The following LYSMD2 variants were observed in gnomAD, a reference collection of about 807,000 sequenced individuals.
The protein encoded by LYSMD2 is LysM domain containing 2.
Under a neutral mutation model 17.7 loss-of-function variants are expected in LYSMD2, and 6 were observed. The ratio of observed to expected loss-of-function variants is 0.34; its 90% CI spans 0.19 to 0.67. The LOEUF is 0.67. Ranked by LOEUF, LYSMD2 falls within the 30% of genes least tolerant of loss-of-function variation. LYSMD2 has a pLI of 0.69. For synonymous variants in LYSMD2, 102 were observed against 129.8 expected (o/e 0.79, Z 1.45); for missense variants, 237 against 286.7 (o/e 0.83, Z 1.25).
chr15:51,747,339 A>T (rs1039643828), intron 1 of LYSMD2, among the ~76,000 whole-genome samples: 1 of 151,684 alleles, frequency 6.6e-6, no homozygotes, highest in Non-Finnish European at 1.5e-5. Flanking sequence ...TAAAAATACA[A>T]AATTAGCCAG....
In LYSMD2 at chr15:51,723,560, G is replaced by T; in HGVS notation, c.*47C>A. The T allele has an allele frequency of 1.4e-6, 2 of 1,440,610 alleles. No homozygotes were observed. Among genetic ancestry groups the T allele is most frequent in the Non-Finnish European group, 2.0e-6 (2 of 1,023,380 alleles). The allele number at this position is 1,440,610 out of a possible 1,614,324, so 89.2% of individuals were successfully genotyped here. A position where few individuals can be genotyped will look rare whatever the true frequency, so the allele number is the denominator to read the frequency against. On this transcript the variant is annotated 3_prime_UTR_variant, in exon 3 of 3. Transcript: ENST00000267838. ...AATCTTCAGTTGTTGGATTCTTTAT[G>T]GTCCAAACATATCTTAATTTTGGTT...
intron 1 of LYSMD2, among the ~76,000 whole-genome samples, chr15:51,734,733 A>G (rs1323841960): frequency 1.3e-5 from 2 of 152,212 alleles, no homozygotes; most frequent in Admixed American, 1.3e-4. Flanking sequence ...CTTTTAAAAC[A>G]ATCATTTAAA....
chr15:51,741,460 C>T (rs904186660), upstream of LYSMD2, among the ~76,000 whole-genome samples: 1 of 152,088 alleles, frequency 6.6e-6, no homozygotes, highest in African/African-American at 2.4e-5. Flanking sequence ...AAACAAGATA[C>T]CAAAATCATA....
chr15:51,751,205 C>G, intron 1 of LYSMD2: 1 of 697,988 alleles, frequency 1.4e-6, no homozygotes, highest in South Asian at 1.5e-5. Flanking sequence ...AGGCTGCCAA[C>G]CCAACTACTC....
chr15:51,737,243 CCCAAACCCCCACCCGCAGT>C lies in LYSMD2; in HGVS notation c.273+88_273+106del. 2.9e-6 allele frequency: 1 copy of C among 344,294 alleles called. No individual in the cohort carries two copies. Among genetic ancestry groups the C allele is most frequent in the East Asian group, 6.9e-5 (1 of 14,444 alleles). The allele number at this position is 344,294 out of a possible 1,614,324, so 21.3% of individuals were successfully genotyped here. A position where few individuals can be genotyped will look rare whatever the true frequency, so the allele number is the denominator to read the frequency against. On this transcript the variant is annotated intron_variant, in intron 1 of 2. Coordinates refer to ENST00000267838, the MANE Select transcript of LYSMD2 (RefSeq NM_153374.3). This position sits in a 1 kb window ranked among gnomAD's most constrained non-coding sequence, Gnocchi z 4.2. ...CGGCCGTCCCTGCGACTCCCCATCC[CCCAAACCCCCACCCGCAGT>C]CCCACCCCCACCCCCACCGCACCCC...
chr15:51,742,730 G>T (rs1294131538), intron 1 of LYSMD2, among the ~76,000 whole-genome samples: 1 of 152,170 alleles, frequency 6.6e-6, no homozygotes, highest in African/African-American at 2.4e-5. Context: ...GGCTGAGGCA[G>T]GAGAATCCCT....
At chr15:51,724,327 A>C (rs1187507709) in intron 2 of LYSMD2, among the ~76,000 whole-genome samples, 1 of 152,214 alleles carries the variant, frequency 6.6e-6, no homozygotes, top group African/African-American at 2.4e-5. Context: ...AATGTCTTTG[A>C]CAAGTTTTGC....
At position 51,737,391 on chromosome 15, in the gene LYSMD2, C is replaced by T; in HGVS notation, c.232G>A (p.Gly78Ser). The T allele has an allele frequency of 6.9e-7, 1 of 1,457,328 alleles. No individual in the cohort carries two copies. The highest frequency in any genetic ancestry group is 3.0e-5 in the East Asian group (1 of 32,862). 90.3% of individuals were successfully genotyped at this position (1,457,328 alleles called of 1,614,324 possible). ...AGCGCGATGCCCTGCAGCGTGTCGC[C>T]CGCGCGGACCCGGTGCTCCACATGG... ...ERHVEHRVRA[G>S]DTLQGIALKY... The change falls in exon 1 of 3, where the codon GGC becomes AGC. Residue 78 changes from glycine to serine, a missense_variant. Coordinates refer to ENST00000267838, the MANE Select transcript of LYSMD2 (RefSeq NM_153374.3). This position sits in a 1 kb window ranked among gnomAD's most constrained non-coding sequence, Gnocchi z 4.2.
upstream of LYSMD2, among the ~76,000 whole-genome samples, chr15:51,740,924 T>C (rs2055639729): frequency 2.0e-5 from 3 of 152,222 alleles, no homozygotes; most frequent in Admixed American, 6.5e-5. Context: ...TATACCATGT[T>C]TGTGAATGGG....
At chr15:51,745,058 G>A (rs926497969) in intron 1 of LYSMD2, among the ~76,000 whole-genome samples, 15 of 152,042 alleles carry the variant, frequency 9.9e-5, no homozygotes, top group African/African-American at 3.4e-4. Flanking sequence ...TAACAAAACT[G>A]ACTCAAGAAG....
chr15:51,737,374 G>A lies in LYSMD2; in HGVS notation c.249C>T (p.Gly83=), dbSNP rs1303423321. The A allele has an allele frequency of 1.4e-6, 2 of 1,454,276 alleles. No homozygotes were observed. Among genetic ancestry groups the A allele is most frequent in the Non-Finnish European group, 1.8e-6 (2 of 1,108,516 alleles). The allele number at this position is 1,454,276 out of a possible 1,614,324, so 90.1% of individuals were successfully genotyped here. The change falls in exon 1 of 3, where the codon GGC becomes GGT. Residue 83 remains glycine (G), a synonymous_variant. Transcript: ENST00000267838. The surrounding 1 kb of genome is among the most constrained non-coding windows in gnomAD (Gnocchi z 4.2). ...HRVRAGDTLQ[G]IALKYGVTME... ...CCGTGACACCGTACTTGAGCGCGAT[G>A]CCCTGCAGCGTGTCGCCCGCGCGGA...
chr15:51,749,081 C>A (rs554396464), intron 1 of LYSMD2, among the ~76,000 whole-genome samples: 2 of 152,276 alleles, frequency 1.3e-5, no homozygotes, highest in Non-Finnish European at 2.9e-5. Context: ...TCCAGGAGTT[C>A]TGTTTCAATT....
chr15:51,725,167 A>G, intron 1 of LYSMD2, 46 bp from the exon 2 acceptor site: 3 of 1,206,786 alleles, frequency 2.5e-6, no homozygotes, highest in Non-Finnish European at 3.5e-6. Context: ...AACCAAGTCA[A>G]GGAGTAAGAT....
chr15:51,737,677 C>CCTT, upstream of LYSMD2: 4 of 1,166,700 alleles, frequency 3.4e-6, no homozygotes, highest in Non-Finnish European at 4.3e-6. The surrounding 1 kb of genome is among the most constrained non-coding windows in gnomAD (Gnocchi z 4.2). Flanking sequence ...GGCGCCTCCT[C>CCTT]CTCCTCCGCC....
At chr15:51,729,046 G>A (rs1205133014) in intron 1 of LYSMD2, among the ~76,000 whole-genome samples, 2 of 152,224 alleles carry the variant, frequency 1.3e-5, no homozygotes, top group East Asian at 3.8e-4. Context: ...ACAAGCTATG[G>A]CTTAGGCCAA....
intron 1 of LYSMD2, among the ~76,000 whole-genome samples, chr15:51,736,281 T>C (rs1035173495): frequency 1.3e-5 from 2 of 152,290 alleles, no homozygotes; most frequent in Admixed American, 6.5e-5. Context: ...TTAAGGCACA[T>C]AGAGAATTGT....
At position 51,737,306 on chromosome 15, in the gene LYSMD2, C is replaced by A; in HGVS notation, c.273+44G>T. On this transcript the variant is annotated intron_variant, in intron 1 of 2. Transcript: ENST00000267838. The surrounding 1 kb of genome is among the most constrained non-coding windows in gnomAD (Gnocchi z 4.2). ...GCACCCCGAGCCGCACCGCCTCCTG[C>A]GCGGTAGCTGCCAGCCCGGGCCGCG... The A allele has an allele frequency of 7.9e-7, 1 of 1,259,782 alleles. No individual in the cohort carries two copies. Among genetic ancestry groups the A allele is most frequent in the Non-Finnish European group, 1.0e-6 (1 of 1,001,022 alleles). 78.0% of individuals were successfully genotyped at this position (1,259,782 alleles called of 1,614,324 possible).
intron 1 of LYSMD2, among the ~76,000 whole-genome samples, chr15:51,736,703 T>C (rs1381999319): frequency 6.6e-6 from 1 of 152,114 alleles, no homozygotes; most frequent in Non-Finnish European, 1.5e-5. Flanking sequence ...TGTAATGCTA[T>C]ACACCCAAGA....
At chr15:51,731,187 A>G (rs1015519789) in intron 1 of LYSMD2, among the ~76,000 whole-genome samples, 1 of 152,232 alleles carries the variant, frequency 6.6e-6, no homozygotes, top group Admixed American at 6.5e-5. Context: ...AAATTTACTT[A>G]AAGTCATCGA....
Sources: allele counts gnomAD v4.1 joint callset (sites outside exome capture counted in the v4.1 genomes callset), GRCh38; gene constraint gnomAD v4.1.1; non-coding constraint Gnocchi (gnomAD v3.1); transcripts MANE v1.5; gene names NCBI Gene and HGNC (gene_info 2026-07-23, HGNC 2026-07-21).